The following MROH1 variants were observed in gnomAD, a reference collection of about 807,000 sequenced individuals.
MROH1 encodes maestro heat-like repeat-containing protein family member 1.
Under a neutral mutation model 116.5 loss-of-function variants are expected in MROH1, and 117 were observed. That is an observed-to-expected ratio of 1.00 (90% CI 0.86 to 1.17). The LOEUF (loss-of-function observed/expected upper bound fraction) is 1.17, where lower values mean the gene tolerates loss of function less well. Ranked by LOEUF, MROH1 falls within the 50% of genes most tolerant of loss-of-function variation. The pLI is 0.00. For synonymous variants in MROH1, 921 were observed against 583.9 expected (o/e 1.58, Z -8.32); for missense variants, 1,873 against 1,338.5 (o/e 1.40, Z -6.23).
chr8:144,259,219 C>G, intron 36 of MROH1, 21 bp from the exon 37 acceptor site: 4 of 711,424 alleles, frequency 5.6e-6, no homozygotes, highest in Non-Finnish European at 1.0e-5. Flanking sequence ...CCCCTGCACC[C>G]TCAGCGGCCC....
rs759851764 is a variant in MROH1, at chr8:144,163,781, A to T, written c.-46A>T. 10 of 1,610,058 alleles carry T rather than the reference A, an allele frequency of 6.2e-6. No individual in the cohort carries two copies. The South Asian group carries it at 6.6e-5, about 11-fold the overall frequency. ...TTTTGGTTATTCCAGATGGGAGAAG[A>T]AGTTGTCCATGTTCACACTGGGTGA... is the stretch of plus-strand genomic sequence containing the variant. On this transcript the variant is annotated 5_prime_UTR_variant, in exon 3 of 44. Transcript: ENST00000326134. The surrounding 1 kb of genome is among the most constrained non-coding windows in gnomAD (Gnocchi z 4.4).
rs1158191431 is a variant in MROH1 at position 144,250,229 on chromosome 8, C to T, written c.3291C>T (p.Ser1097=). Residue 1097 remains serine (S), a synonymous_variant, in exon 33 of 44, where the codon AGC becomes AGT. Transcript: ENST00000326134. ...ATCTACAGGTGCCCGAGATCGTGAG[C>T]GTCCTGCGCTCCAAGCTTCAGGAGG... ...VLQEKVPEIV[S]VLRSKLQEAQ... The T allele has an allele frequency of 2.0e-4, 152 of 767,508 alleles. 2 individuals carry two copies. The East Asian group carries it at 3.3e-3, about 17-fold the overall frequency. 47.5% of individuals were successfully genotyped at this position (767,508 alleles called of 1,614,324 possible).
In MROH1 at chr8:144,241,003, C is replaced by T; in HGVS notation, c.1947C>T (p.Tyr649=). Residue 649 remains tyrosine (Y), a synonymous_variant, in exon 21 of 44, where the codon TAC becomes TAT. Coordinates refer to ENST00000326134, the MANE Select transcript of MROH1 (RefSeq NM_032450.3). ...TGGTTTTGTTTCAGAACTTCCTGTACAAATGCATAGGCACCACCCTGGGTG... is the reference window on the plus strand; with the variant it reads ...TGGTTTTGTTTCAGAACTTCCTGTATAAATGCATAGGCACCACCCTGGGTG... ...DEAPQEKNFL[Y]KCIGTTLGAA... The T allele has an allele frequency of 1.3e-6, 1 of 764,152 alleles. No individual in the cohort carries two copies. The allele number at this position is 764,152 out of a possible 1,614,324, so 47.3% of individuals were successfully genotyped here.
intron 4 of MROH1, among the ~76,000 whole-genome samples, chr8:144,178,184 A>G (rs1205688928): frequency 6.1e-5 from 2 of 32,854 alleles, no homozygotes; most frequent in Admixed American, 4.2e-4. Context: ...CCCAGGCTGG[A>G]GTGCAGTGGC....
At chr8:144,216,422 C>T (rs923226357) in intron 12 of MROH1, among the ~76,000 whole-genome samples, 1 of 151,950 alleles carries the variant, frequency 6.6e-6, no homozygotes, top group Non-Finnish European at 1.5e-5. Flanking sequence ...TGCAGTGAGC[C>T]GAGATCGCAC....
intron 12 of MROH1, among the ~76,000 whole-genome samples, chr8:144,201,348 C>A (rs1588119902): frequency 6.6e-6 from 1 of 152,208 alleles, no homozygotes; most frequent in Middle Eastern, 3.4e-3. Context: ...CGTGAGCCAC[C>A]GCACCCATCC....
rs560127652 is a variant in MROH1 at position 144,172,729 on chromosome 8, T to C, written c.168+4289T>C. Among the ~76,000 whole-genome samples the C allele has an allele frequency of 2.0e-5, 3 of 152,208 alleles. No individual in the cohort carries two copies. The South Asian group carries it at 6.2e-4, about 32-fold the overall frequency. ...CGGCCAGTCTAACTCTTTTAACCAG[T>C]TGTCAGTCAGAAAATCTCTGAATCC... is the stretch of plus-strand genomic sequence containing the variant. On this transcript the variant is annotated intron_variant, in intron 4 of 43. Transcript: ENST00000326134.
At chr8:144,177,795 CTCT>C (rs1824401461) in intron 4 of MROH1, among the ~76,000 whole-genome samples, 2 of 151,932 alleles carry the variant, frequency 1.3e-5, no homozygotes, top group African/African-American at 4.8e-5. Flanking sequence ...CTTCCTCCTC[CTCT>C]GTCTTCCTCC....
In MROH1 at chr8:144,180,391, T is replaced by C. The variant is rs1321016219; in HGVS notation, c.464-34T>C. 1.2e-6 allele frequency: 2 copies of C among 1,611,640 alleles called. No individual in the cohort carries two copies. Among genetic ancestry groups the C allele is most frequent in the Non-Finnish European group, 1.7e-6 (2 of 1,179,390 alleles). On this transcript the variant is annotated intron_variant, in intron 6 of 43. Transcript: ENST00000326134. The surrounding 1 kb of genome is among the most constrained non-coding windows in gnomAD (Gnocchi z 7.4). ...GAGGAGCACGGGGCGCTGGAAGCCTTGGCGGAGGCCTTTGACGGTGTCCTC... is the reference window on the plus strand; with the variant it reads ...GAGGAGCACGGGGCGCTGGAAGCCTCGGCGGAGGCCTTTGACGGTGTCCTC...
chr8:144,240,997 C>G lies in MROH1; in HGVS notation c.1941C>G (p.Phe647Leu). 1.3e-6 allele frequency: 1 copy of G among 760,894 alleles called. No homozygotes were observed. The highest frequency in any genetic ancestry group is 1.7e-5 in the African/African-American group (1 of 58,884). The allele number at this position is 760,894 out of a possible 1,614,324, so 47.1% of individuals were successfully genotyped here. ...CYDEAPQEKN[F>L]LYKCIGTTLG... is the part of the protein sequence containing the mutation. ...GTTCTCTGGTTTTGTTTCAGAACTT[C>G]CTGTACAAATGCATAGGCACCACCC... is the stretch of plus-strand genomic sequence containing the variant. The change falls in exon 21 of 44, where the codon TTC becomes TTG. Residue 647 changes from phenylalanine (F) to leucine (L), a missense_variant. By Grantham distance (22) the Phe-to-Leu change is conservative. Coordinates refer to ENST00000326134, the MANE Select transcript of MROH1 (RefSeq NM_032450.3).
At chr8:144,170,314 T>C (rs1822123931) in intron 4 of MROH1, among the ~76,000 whole-genome samples, 1 of 152,222 alleles carries the variant, frequency 6.6e-6, no homozygotes. Context: ...CTTTACATTT[T>C]TTTAACTGAA....
intron 4 of MROH1, among the ~76,000 whole-genome samples, chr8:144,172,346 C>A (rs1050059971): frequency 8.5e-5 from 13 of 152,184 alleles, no homozygotes; most frequent in African/African-American, 3.1e-4. Context: ...TTTCACAAGC[C>A]CCTTTAATTC....
intron 28 of MROH1, 38 bp from the exon 29 acceptor site, chr8:144,245,118 C>T: frequency 1.3e-6 from 1 of 778,392 alleles, no homozygotes; most frequent in Non-Finnish European, 2.4e-6. Context: ...CCAGGGCTGC[C>T]CTCTGAGCAG....
At position 144,261,713 on chromosome 8, in the gene MROH1, C is replaced by T. The variant is rs899685470; in HGVS notation, c.4899C>T (p.Ala1633=). The change falls in exon 44 of 44, where the codon GCC becomes GCT. Residue 1633 remains alanine, a synonymous_variant. Coordinates refer to ENST00000326134, the MANE Select transcript of MROH1 (RefSeq NM_032450.3). ...AGGTGCGGACGAGGGCTGCTGAGGC[C>T]CTGGGCCGCCTGGTGAAGCTCGCCT... ...APEVRTRAAE[A]LGRLVKLA is the part of the protein sequence containing the mutation. The T allele has an allele frequency of 3.1e-4, 227 of 721,074 alleles. No individual in the cohort carries two copies. The highest frequency in any genetic ancestry group is 5.3e-4 in the Non-Finnish European group (210 of 396,204). 44.7% of individuals were successfully genotyped at this position (721,074 alleles called of 1,614,324 possible).
chr8:144,193,511 A>G (rs552594322), intron 10 of MROH1, among the ~76,000 whole-genome samples: 1 of 152,336 alleles, frequency 6.6e-6, no homozygotes, highest in African/African-American at 2.4e-5. Context: ...GGAAATGCAG[A>G]TGTGTAACGA....
At chr8:144,229,498 C>T (rs1179391348) in intron 14 of MROH1, among the ~76,000 whole-genome samples, 1 of 151,726 alleles carries the variant, frequency 6.6e-6, no homozygotes, top group African/African-American at 2.4e-5. Flanking sequence ...TCCCACCTCA[C>T]CCTCCTGAGT....
chr8:144,189,126 A>G (rs977473949), intron 7 of MROH1, among the ~76,000 whole-genome samples: 9 of 152,222 alleles, frequency 5.9e-5, no homozygotes, highest in Admixed American at 1.3e-4. Flanking sequence ...GCAGCGAGCT[A>G]TTGGGATTGG....
chr8:144,237,063 G>T (rs1478660197), intron 14 of MROH1, among the ~76,000 whole-genome samples: 1 of 151,482 alleles, frequency 6.6e-6, no homozygotes, highest in Non-Finnish European at 1.5e-5. Context: ...CCGCCACCAC[G>T]CCCGGCTAAT....
At chr8:144,224,168 C>T (rs140903176) in intron 14 of MROH1, among the ~76,000 whole-genome samples, 3 of 152,186 alleles carry the variant, frequency 2.0e-5, no homozygotes, top group African/African-American at 4.8e-5. Context: ...TTGGAGGTTT[C>T]TTTGAATATT....
Sources: allele counts gnomAD v4.1 joint callset (sites outside exome capture counted in the v4.1 genomes callset), GRCh38; gene constraint gnomAD v4.1.1; non-coding constraint Gnocchi (gnomAD v3.1); transcripts MANE v1.5; gene names NCBI Gene and HGNC (gene_info 2026-07-23, HGNC 2026-07-21).